PHACTR3: variants seen among roughly 807,000 people sequenced by gnomAD.
PHACTR3 encodes phosphatase and actin regulator 3, also known as protein phosphatase 1, regulatory subunit 123.
In PHACTR3, 16 loss-of-function variants were observed where a neutral mutation model predicts 66.8. The observed-to-expected ratio is 0.24, with a 90% CI of 0.16 to 0.36. The LOEUF (loss-of-function observed/expected upper bound fraction) is 0.36. Among genes scored for constraint, PHACTR3 ranks in the 10% least tolerant of loss-of-function variants. The pLI is 1.00. For synonymous variants in PHACTR3, 323 were observed against 292.1 expected, an observed-to-expected ratio of 1.11 and a Z score of -1.08; for missense variants, 647 against 719.9, an observed-to-expected ratio of 0.90 and a Z score of 1.16.
chr20:59,595,703 A>C (rs2033309967), intron 1 of PHACTR3, among the ~76,000 whole-genome samples: 1 of 152,126 alleles, frequency 6.6e-6, no homozygotes, highest in South Asian at 2.1e-4. Flanking sequence ...AACTTTAATC[A>C]TGCATTCATC....
At chr20:59,771,537 C>A (rs370274258) in intron 5 of PHACTR3, among the ~76,000 whole-genome samples, 2 of 152,084 alleles carry the variant, frequency 1.3e-5, no homozygotes, top group Non-Finnish European at 2.9e-5. Flanking sequence ...ACCACCTCCC[C>A]CCGACCAGCC....
At chr20:59,693,931 G>A (rs756884122) in intron 1 of PHACTR3, among the ~76,000 whole-genome samples, 5 of 152,292 alleles carry the variant, frequency 3.3e-5, no homozygotes, top group African/African-American at 9.6e-5. Flanking sequence ...AATTGGCAAC[G>A]TAAGCCCCAG....
At chr20:59,729,867 G>C (rs1038865828) in intron 1 of PHACTR3, among the ~76,000 whole-genome samples, 1 of 152,138 alleles carries the variant, frequency 6.6e-6, no homozygotes, top group Admixed American at 6.5e-5. Context: ...CTTGGCTCTT[G>C]GGTGAAAATC....
chr20:59,733,648 T>C (rs1404166912), intron 1 of PHACTR3, among the ~76,000 whole-genome samples: 2 of 152,156 alleles, frequency 1.3e-5, no homozygotes, highest in African/African-American at 4.8e-5. Context: ...ATCAGGGCTT[T>C]TACAGCAGAT....
intron 5 of PHACTR3, among the ~76,000 whole-genome samples, chr20:59,771,289 C>G (rs891809448): frequency 1.8e-4 from 27 of 152,208 alleles, no homozygotes; most frequent in African/African-American, 6.5e-4. Context: ...GGGGATGCTG[C>G]GTGTCACCTG....
intron 1 of PHACTR3, among the ~76,000 whole-genome samples, chr20:59,622,042 G>A (rs1461888336): frequency 1.3e-5 from 2 of 152,110 alleles, no homozygotes; most frequent in South Asian, 4.1e-4. Context: ...ATGAGTCATT[G>A]CGTGTGTATG....
chr20:59,794,505 T>C (rs1037235288), intron 7 of PHACTR3, among the ~76,000 whole-genome samples: 4 of 152,230 alleles, frequency 2.6e-5, no homozygotes, highest in African/African-American at 7.2e-5. Flanking sequence ...CCTATAGTTT[T>C]CTTTTTTTGT....
intron 1 of PHACTR3, among the ~76,000 whole-genome samples, chr20:59,678,366 G>C (rs1302422733): frequency 6.6e-6 from 1 of 152,142 alleles, no homozygotes; most frequent in Non-Finnish European, 1.5e-5. Flanking sequence ...AGAGCAGCCT[G>C]CTCACTCCTG....
At chr20:59,805,983 C>T (rs563888051) in intron 7 of PHACTR3, 58 bp from the exon 8 acceptor site, 25 of 1,547,620 alleles carry the variant, frequency 1.6e-5, no homozygotes, top group South Asian at 5.0e-5. Context: ...GCCAGCCCTC[C>T]GCTAAGACCT....
Position 59,736,466 on chromosome 20 carries a change from A to G in PHACTR3, c.119-6641A>G, listed in dbSNP as rs1290891854. 6.6e-6 allele frequency among the ~76,000 whole-genome samples: 1 copy of G among 151,958 alleles called. No homozygotes were observed. Among genetic ancestry groups the G allele is most frequent in the African/African-American group, 2.4e-5 (1 of 41,386 alleles). ...CCACATGCACCCGCCCACAGATGGCATCCCACCCATGCAGGTGCACACCCA... is the reference window on the plus strand; with the variant it reads ...CCACATGCACCCGCCCACAGATGGCGTCCCACCCATGCAGGTGCACACCCA... On this transcript the variant is annotated intron_variant, in intron 1 of 12. Transcript: ENST00000371015. This position sits in a 1 kb window ranked among gnomAD's most constrained non-coding sequence, Gnocchi z 4.6.
At chr20:59,769,985 A>G (rs2040309467) in intron 5 of PHACTR3, among the ~76,000 whole-genome samples, 1 of 152,212 alleles carries the variant, frequency 6.6e-6, no homozygotes, top group South Asian at 2.1e-4. Flanking sequence ...TCAATTAGCC[A>G]CCATCCACCT....
chr20:59,639,061 AT>A (rs2035008172), intron 1 of PHACTR3, among the ~76,000 whole-genome samples: 5 of 5,880 alleles, frequency 8.5e-4, no homozygotes, highest in Non-Finnish European at 1.3e-3. Flanking sequence ...AGATGGATAG[AT>A]GGATGGATGG....
chr20:59,788,345 A>G (rs1463517284), intron 7 of PHACTR3, among the ~76,000 whole-genome samples: 1 of 152,124 alleles, frequency 6.6e-6, no homozygotes, highest in African/African-American at 2.4e-5. Context: ...AGACTGAGGG[A>G]TAGTGACACT....
intron 1 of PHACTR3, among the ~76,000 whole-genome samples, chr20:59,591,071 G>GAC (rs1403931900): frequency 1.3e-5 from 2 of 152,216 alleles, no homozygotes; most frequent in African/African-American, 4.8e-5. Context: ...CTCAACACTT[G>GAC]TGGCTTCCAT....
At chr20:59,761,188 G>A (rs947908042) in intron 4 of PHACTR3, among the ~76,000 whole-genome samples, 5 of 152,100 alleles carry the variant, frequency 3.3e-5, no homozygotes, top group Admixed American at 2.0e-4. Flanking sequence ...CTGCTCTAGT[G>A]GGCCGGTCCT....
chr20:59,605,147 G>A lies in PHACTR3; in HGVS notation c.118+15G>A, dbSNP rs2033614071. On this transcript the variant is annotated intron_variant, in intron 1 of 12. Coordinates refer to ENST00000371015, the MANE Select transcript of PHACTR3 (RefSeq NM_080672.5). ...GGAGAACCCAGGTAACGGGCTGGGC[G>A]GGGGCGGCGGGCGGGTCGGGGAGGC... 6.9e-6 allele frequency: 9 copies of A among 1,305,066 alleles called. No individual in the cohort carries two copies. The highest frequency in any genetic ancestry group is 4.1e-5 in the Admixed American group (1 of 24,546). The allele number at this position is 1,305,066 out of a possible 1,614,324, so 80.8% of individuals were successfully genotyped here.
At chr20:59,720,303 C>T (rs191093858) in intron 1 of PHACTR3, among the ~76,000 whole-genome samples, 1 of 152,156 alleles carries the variant, frequency 6.6e-6, no homozygotes, top group African/African-American at 2.4e-5. Flanking sequence ...AATACATGAT[C>T]AATAAACACA....
intron 8 of PHACTR3, among the ~76,000 whole-genome samples, chr20:59,831,735 C>T (rs1240126029): frequency 6.6e-6 from 1 of 152,196 alleles, no homozygotes; most frequent in Non-Finnish European, 1.5e-5. Context: ...GCTCAAAGCC[C>T]AGGAAGCCCT....
At chr20:59,751,886 A>G (rs1324459765) in intron 3 of PHACTR3, among the ~76,000 whole-genome samples, 2 of 151,960 alleles carry the variant, frequency 1.3e-5, no homozygotes, top group African/African-American at 4.8e-5. Flanking sequence ...TCTCTGGTAC[A>G]AGGGGTCCCC....
Sources: allele counts gnomAD v4.1 joint callset (sites outside exome capture counted in the v4.1 genomes callset), GRCh38; gene constraint gnomAD v4.1.1; non-coding constraint Gnocchi (gnomAD v3.1); transcripts MANE v1.5; gene names NCBI Gene and HGNC (gene_info 2026-07-23, HGNC 2026-07-21).